The following GALNT13 variants were observed in gnomAD, a reference collection of about 807,000 sequenced individuals.
GALNT13 encodes the protein UDP-GalNAc:polypeptide N-acetylgalactosaminyltransferase 13.
Under a neutral mutation model 64.2 loss-of-function variants are expected in GALNT13, and 28 were observed. That is an observed-to-expected ratio of 0.44 (90% confidence interval 0.32 to 0.60). GALNT13 has a LOEUF of 0.60. Ranked by LOEUF, GALNT13 falls within the 20% of genes least tolerant of loss-of-function variation. The probability of loss-of-function intolerance (pLI) is 0.05; values close to 1 mark genes in which losing one functional copy is unlikely to be tolerated. For missense variants in GALNT13, 577 were observed against 669.8 expected, an observed-to-expected ratio of 0.86 and a Z score of 1.53; for synonymous variants, 214 against 224.6, an observed-to-expected ratio of 0.95 and a Z score of 0.42.
At chr2:154,319,359 T>C (rs1174832001) in intron 9 of GALNT13, among the ~76,000 whole-genome samples, 1 of 152,150 alleles carries the variant, frequency 6.6e-6, no homozygotes, top group Non-Finnish European at 1.5e-5. Flanking sequence ...TTGGCTAGCA[T>C]TCCTTTTGAT....
At chr2:153,231,131 A>G in the GALNT13 span, among the ~76,000 whole-genome samples, 12 of 152,072 alleles carry the variant, frequency 7.9e-5, no homozygotes, top group African/African-American at 1.2e-4. Flanking sequence ...TTTCACCTCT[A>G]GCTAATGGAG....
chr2:153,401,870 C>T, the GALNT13 span, among the ~76,000 whole-genome samples: 8 of 152,142 alleles, frequency 5.3e-5, no homozygotes, highest in African/African-American at 1.7e-4. Flanking sequence ...TGGGTCTTGA[C>T]TTTTTAATCC....
intron 9 of GALNT13, among the ~76,000 whole-genome samples, chr2:154,386,085 T>A (rs1253442092): frequency 6.6e-6 from 1 of 151,906 alleles, no homozygotes; most frequent in Admixed American, 6.6e-5. Context: ...ACTCTCAATA[T>A]CTTACCAAGA....
At chr2:153,283,827 C>A in the GALNT13 span, among the ~76,000 whole-genome samples, 1 of 151,364 alleles carries the variant, frequency 6.6e-6, no homozygotes, top group East Asian at 2.0e-4. Context: ...GTGGAGAGAC[C>A]CCCTGGAAAC....
chr2:153,221,915 G>A, the GALNT13 span, among the ~76,000 whole-genome samples: 1 of 152,194 alleles, frequency 6.6e-6, no homozygotes, highest in Non-Finnish European at 1.5e-5. Flanking sequence ...AAGCCCCAAA[G>A]AAGTTGTCAC....
In GALNT13 at chr2:154,284,281, C is replaced by T. The variant is rs573004381; in HGVS notation, c.976-17128C>T. Among the ~76,000 whole-genome samples the T allele has an allele frequency of 1.5e-4, 23 of 152,282 alleles. No homozygotes were observed. The East Asian group carries it at 4.4e-3, about 29-fold the overall frequency. ...CAACATCTTCTCTTTCCCCATCTCTCCCCGATTCCCTGTAATCTACTTTCT... is the reference window on the plus strand; with the variant it reads ...CAACATCTTCTCTTTCCCCATCTCTTCCCGATTCCCTGTAATCTACTTTCT... On this transcript the variant is annotated intron_variant, in intron 8 of 12. Coordinates refer to ENST00000392825, the MANE Select transcript of GALNT13 (RefSeq NM_052917.4).
the GALNT13 span, among the ~76,000 whole-genome samples, chr2:153,792,037 C>T: frequency 1.4e-4 from 22 of 152,040 alleles, no homozygotes; most frequent in Admixed American, 2.0e-4. Flanking sequence ...ATATAACAAA[C>T]GTACACATGT....
At chr2:154,046,939 GTT>G (rs35276772) in intron 3 of GALNT13, among the ~76,000 whole-genome samples, 22 of 149,644 alleles carry the variant, frequency 1.5e-4, no homozygotes, top group Middle Eastern at 3.5e-3. Context: ...TAGTCTGTGG[GTT>G]TTTTTTTTTA....
intron 10 of GALNT13, among the ~76,000 whole-genome samples, chr2:154,408,321 TTA>T (rs1309501214): frequency 1.3e-5 from 2 of 152,094 alleles, no homozygotes; most frequent in African/African-American, 4.8e-5. Context: ...ACCAAGAACT[TTA>T]TGTCTGTAGT....
intron 8 of GALNT13, among the ~76,000 whole-genome samples, chr2:154,299,663 CTG>C (rs550462206): frequency 0.013 from 1,999 of 150,734 alleles, 28 homozygotes; most frequent in Non-Finnish European, 0.02. Flanking sequence ...CAGGGTTTCA[CTG>C]TGTTAGCCAG....
intron 9 of GALNT13, among the ~76,000 whole-genome samples, chr2:154,337,053 T>A (rs534456174): frequency 6.6e-6 from 1 of 152,126 alleles, no homozygotes; most frequent in Non-Finnish European, 1.5e-5. Flanking sequence ...AATATACATG[T>A]ATGCCTGTTA....
the GALNT13 span, among the ~76,000 whole-genome samples, chr2:153,815,040 A>G: frequency 5.9e-5 from 9 of 152,208 alleles, no homozygotes; most frequent in Non-Finnish European, 1.2e-4. Context: ...AGATATTTAA[A>G]TGCTAAATAC....
At chr2:154,064,789 A>G (rs184990359) in intron 3 of GALNT13, among the ~76,000 whole-genome samples, 209 of 152,250 alleles carry the variant, frequency 1.4e-3, no homozygotes, top group Non-Finnish European at 2.7e-3. Context: ...TTCAGATGTG[A>G]TCCAGCAATT....
chr2:153,338,937 C>T, the GALNT13 span, among the ~76,000 whole-genome samples: 3,325 of 152,302 alleles, frequency 0.022, 131 homozygotes, highest in African/African-American at 0.074. Flanking sequence ...AGTTCATCCA[C>T]GTGAACTCCA....
chr2:153,689,794 T>A, the GALNT13 span, among the ~76,000 whole-genome samples: 2 of 152,102 alleles, frequency 1.3e-5, no homozygotes, highest in Admixed American at 6.6e-5. Flanking sequence ...TTTCCACAGT[T>A]TGCTTAGATG....
At chr2:153,103,805 G>A in the GALNT13 span, among the ~76,000 whole-genome samples, 1 of 152,200 alleles carries the variant, frequency 6.6e-6, no homozygotes, top group Non-Finnish European at 1.5e-5. Flanking sequence ...GTGTTTGGGA[G>A]GTGTTCAGCA....
intron 2 of GALNT13, among the ~76,000 whole-genome samples, chr2:153,907,653 G>A (rs1203974084): frequency 6.6e-6 from 1 of 151,958 alleles, no homozygotes; most frequent in African/African-American, 2.4e-5. Flanking sequence ...AGAACATGTG[G>A]TATTTGTTTT....
At chr2:153,501,107 C>A in the GALNT13 span, among the ~76,000 whole-genome samples, 1 of 151,748 alleles carries the variant, frequency 6.6e-6, no homozygotes, top group Non-Finnish European at 1.5e-5. Flanking sequence ...TTTTGGGAAG[C>A]CTATCAAATA....
the GALNT13 span, among the ~76,000 whole-genome samples, chr2:153,535,086 G>A: frequency 6.6e-6 from 1 of 152,106 alleles, no homozygotes; most frequent in Admixed American, 6.6e-5. Context: ...CGGGATTAGG[G>A]GCGGCGTGGG....
Sources: allele counts gnomAD v4.1 joint callset (sites outside exome capture counted in the v4.1 genomes callset), GRCh38; gene constraint gnomAD v4.1.1; transcripts MANE v1.5; gene names NCBI Gene and HGNC (gene_info 2026-07-23, HGNC 2026-07-21).